DCC: variants seen among roughly 807,000 people sequenced by gnomAD.
DCC encodes the protein DCC netrin 1 receptor.
Under a neutral mutation model 172.5 loss-of-function variants are expected in DCC, and 58 were observed. That is an observed-to-expected ratio of 0.34 (90% CI 0.27 to 0.42). The LOEUF (loss-of-function observed/expected upper bound fraction) is 0.42. Ranked by LOEUF, DCC falls within the 10% of genes least tolerant of loss-of-function variation. DCC has a pLI of 1.00. For missense variants in DCC, 1,740 were observed against 1,791.0 expected, an observed-to-expected ratio of 0.97 and a Z score of 0.51; for synonymous variants, 709 against 644.5, an observed-to-expected ratio of 1.10 and a Z score of -1.52.
chr18:53,215,491 G>C (rs2055831752), intron 11 of DCC, 57 bp from the exon 12 acceptor site: 1 of 1,302,794 alleles, frequency 7.7e-7, no homozygotes, highest in Non-Finnish European at 1.1e-6. Context: ...TAGACAGGTG[G>C]TATTTTTCTT....
chr18:52,674,015 G>C (rs2035603603), intron 1 of DCC, among the ~76,000 whole-genome samples: 1 of 152,052 alleles, frequency 6.6e-6, no homozygotes, highest in Non-Finnish European at 1.5e-5. Flanking sequence ...TTTTCACATG[G>C]CTACCCCAGC....
At chr18:52,899,070 T>C (rs1431662631) in intron 2 of DCC, among the ~76,000 whole-genome samples, 1 of 152,232 alleles carries the variant, frequency 6.6e-6, no homozygotes, top group Non-Finnish European at 1.5e-5. Context: ...AACCCATCTC[T>C]TCAAATGAAA....
At chr18:52,468,242 C>A (rs1295248411) in intron 1 of DCC, among the ~76,000 whole-genome samples, 1 of 152,098 alleles carries the variant, frequency 6.6e-6, no homozygotes, top group East Asian at 1.9e-4. Context: ...GAATACAGAG[C>A]AGGAATACTT....
chr18:53,415,169 T>A (rs1910233476), intron 20 of DCC, among the ~76,000 whole-genome samples: 1 of 152,226 alleles, frequency 6.6e-6, no homozygotes, highest in African/African-American at 2.4e-5. Context: ...ATTGATTTGC[T>A]ATAATAGCGC....
intron 7 of DCC, among the ~76,000 whole-genome samples, chr18:53,094,909 A>G (rs2043063869): frequency 6.6e-6 from 1 of 152,200 alleles, no homozygotes; most frequent in Non-Finnish European, 1.5e-5. Context: ...TAGAGGACAG[A>G]AATAATGTAA....
At position 52,890,558 on chromosome 18, in the gene DCC, G is replaced by C. The variant is rs1319529090; in HGVS notation, c.413-15486G>C. Among the ~76,000 whole-genome samples the C allele has an allele frequency of 2.0e-5, 3 of 152,074 alleles. No individual in the cohort carries two copies. In the East Asian group the frequency reaches 5.8e-4, roughly 29 times the overall value. On this transcript the variant is annotated intron_variant, in intron 2 of 28. Coordinates refer to ENST00000442544, the MANE Select transcript of DCC (RefSeq NM_005215.4). ...AAGCTTAAAGTTAGGTTAACACTTT[G>C]TAAATTTACTAGTGAGAGATTACCT...
chr18:53,426,475 T>TA (rs35428859), intron 21 of DCC, among the ~76,000 whole-genome samples: 61,514 of 144,754 alleles, frequency 0.42, 14,838 homozygotes, highest in Non-Finnish European at 0.55. Flanking sequence ...ATTATATATA[T>TA]TTTTATATAT....
chr18:53,433,280 G>A (rs565875616), intron 21 of DCC, among the ~76,000 whole-genome samples: 1 of 152,264 alleles, frequency 6.6e-6, no homozygotes, highest in East Asian at 1.9e-4. Flanking sequence ...TACCCATAGA[G>A]CTATATGTGT....
chr18:52,951,059 C>G (rs190177890), intron 5 of DCC, among the ~76,000 whole-genome samples: 45 of 148,686 alleles, frequency 3.0e-4, no homozygotes, highest in African/African-American at 1.0e-3. Context: ...TCCAAAGCAT[C>G]TCCTGGCTTG....
intron 2 of DCC, among the ~76,000 whole-genome samples, chr18:52,787,362 G>C (rs2037679219): frequency 1.3e-5 from 2 of 152,058 alleles, no homozygotes. Flanking sequence ...ATTTTGAGAA[G>C]GAACAAAGCA....
At chr18:52,992,516 A>G (rs1295483062) in intron 5 of DCC, among the ~76,000 whole-genome samples, 2 of 152,168 alleles carry the variant, frequency 1.3e-5, no homozygotes, top group African/African-American at 4.8e-5. Context: ...TTCTTTATCC[A>G]GTTCTTCTAC....
chr18:53,286,815 C>T (rs1213153964), intron 12 of DCC, among the ~76,000 whole-genome samples: 2 of 152,184 alleles, frequency 1.3e-5, no homozygotes, highest in African/African-American at 4.8e-5. Flanking sequence ...TGGCAAGACT[C>T]ACAAATGTAG....
At chr18:53,381,875 A>G (rs1054268099) in intron 15 of DCC, among the ~76,000 whole-genome samples, 3 of 151,976 alleles carry the variant, frequency 2.0e-5, no homozygotes, top group Non-Finnish European at 4.4e-5. Flanking sequence ...AATTTCTCAT[A>G]AAAATCTGGA....
At chr18:52,856,753 T>C (rs16955735) in intron 2 of DCC, among the ~76,000 whole-genome samples, 3,238 of 152,318 alleles carry the variant, frequency 0.021, 97 homozygotes, top group African/African-American at 0.07. Flanking sequence ...AACGTCTGTT[T>C]TTTGAAAAGC....
intron 1 of DCC, among the ~76,000 whole-genome samples, chr18:52,512,712 A>G (rs1440326885): frequency 1.3e-5 from 2 of 152,198 alleles, no homozygotes; most frequent in African/African-American, 2.4e-5. Flanking sequence ...CAGATGGTGA[A>G]CTAGTAAATA....
chr18:53,260,920 G>T (rs1209803489), intron 12 of DCC, among the ~76,000 whole-genome samples: 2 of 152,072 alleles, frequency 1.3e-5, no homozygotes, highest in Non-Finnish European at 2.9e-5. Context: ...CCCTCCCCCA[G>T]CCTCGCTGCC....
intron 13 of DCC, among the ~76,000 whole-genome samples, chr18:53,321,145 T>C (rs2057407289): frequency 6.6e-6 from 1 of 152,204 alleles, no homozygotes; most frequent in South Asian, 2.1e-4. Flanking sequence ...ATTACTTTTA[T>C]TATGCATTTT....
intron 5 of DCC, among the ~76,000 whole-genome samples, chr18:52,969,582 C>CCCT (rs1555689589): frequency 8.7e-5 from 7 of 80,058 alleles, no homozygotes; most frequent in Admixed American, 1.4e-4. Flanking sequence ...GCCCCGCCCC[C>CCCT]CACTCTCTCT....
intron 8 of DCC, among the ~76,000 whole-genome samples, chr18:53,159,453 A>T (rs1178550530): frequency 6.6e-6 from 1 of 151,942 alleles, no homozygotes; most frequent in African/African-American, 2.4e-5. Flanking sequence ...CAACATCTTT[A>T]CCTGATCTCT....
Sources: allele counts gnomAD v4.1 joint callset (sites outside exome capture counted in the v4.1 genomes callset), GRCh38; gene constraint gnomAD v4.1.1; transcripts MANE v1.5; gene names NCBI Gene and HGNC (gene_info 2026-07-23, HGNC 2026-07-21).